DOCK1: variants seen among roughly 807,000 people sequenced by gnomAD.
DOCK1 encodes the protein dedicator of cytokinesis 1, also known as dedicator of cytokinesis protein 1.
Under a neutral mutation model 262.7 loss-of-function variants are expected in DOCK1, and 138 were observed. The ratio of observed to expected loss-of-function variants is 0.53; its 90% CI spans 0.46 to 0.61. The LOEUF is 0.61. DOCK1 is among the 20% of genes least tolerant of loss of function. The pLI, the probability that DOCK1 is intolerant of heterozygous loss-of-function variation, is 0.00. For missense variants in DOCK1, 1,908 were observed against 2,370.7 expected, an observed-to-expected ratio of 0.80 and a Z score of 4.05; for synonymous variants, 866 against 867.4, an observed-to-expected ratio of 1.00 and a Z score of 0.03.
At chr10:127,250,814 A>G (rs866680030) in intron 28 of DOCK1, among the ~76,000 whole-genome samples, 150 of 151,360 alleles carry the variant, frequency 9.9e-4, no homozygotes, top group Non-Finnish European at 1.7e-3. Flanking sequence ...AAAAAAAAAA[A>G]AAAAAAAATG....
chr10:127,000,404 T>C, intron 10 of DOCK1, 97 bp downstream of exon 10: 1 of 1,466,090 alleles, frequency 6.8e-7, no homozygotes, highest in Non-Finnish European at 9.1e-7. Context: ...TGCACAGCTG[T>C]GATTTATAAG....
chr10:127,336,974 T>C (rs1220980665), intron 29 of DOCK1, among the ~76,000 whole-genome samples: 1 of 152,148 alleles, frequency 6.6e-6, no homozygotes, highest in African/African-American at 2.4e-5. Flanking sequence ...ATAATAATAA[T>C]GTGTGTTTTA....
At chr10:127,155,920 A>G (rs2052999047) in intron 27 of DOCK1, among the ~76,000 whole-genome samples, 1 of 152,188 alleles carries the variant, frequency 6.6e-6, no homozygotes, top group Non-Finnish European at 1.5e-5. Context: ...CTTGGGTGGC[A>G]GATGAGGTAC....
At chr10:127,300,437 G>A (rs2061642452) in intron 29 of DOCK1, among the ~76,000 whole-genome samples, 2 of 152,114 alleles carry the variant, frequency 1.3e-5, no homozygotes, top group Non-Finnish European at 1.5e-5. Context: ...CTAGCATTGG[G>A]GACTGCAGAG....
chr10:127,374,772 T>G (rs533152076), intron 35 of DOCK1, among the ~76,000 whole-genome samples: 1 of 152,176 alleles, frequency 6.6e-6, no homozygotes, highest in African/African-American at 2.4e-5. Context: ...CTAGACCTTG[T>G]GAAGATGGAG....
intron 29 of DOCK1, among the ~76,000 whole-genome samples, chr10:127,293,184 G>T (rs916746645): frequency 2.0e-5 from 3 of 152,196 alleles, no homozygotes; most frequent in Admixed American, 2.0e-4. Flanking sequence ...CGTCAAGGAC[G>T]TTGAGCTCCT....
chr10:127,066,976 G>C (rs1376395823), intron 23 of DOCK1, among the ~76,000 whole-genome samples: 1 of 152,208 alleles, frequency 6.6e-6, no homozygotes, highest in East Asian at 1.9e-4. Context: ...GCTATCCCGT[G>C]GTGTTTGGAA....
At chr10:127,444,378 AGC>A in intron 50 of DOCK1, 99 bp downstream of exon 50, 3 of 1,390,034 alleles carry the variant, frequency 2.2e-6, no homozygotes, top group Non-Finnish European at 2.9e-6. Flanking sequence ...CTCCCCTTGC[AGC>A]AGAGGGTGGG....
intron 29 of DOCK1, among the ~76,000 whole-genome samples, chr10:127,299,524 G>C (rs1053585065): frequency 6.6e-6 from 1 of 150,662 alleles, no homozygotes; most frequent in African/African-American, 2.5e-5. Context: ...GCAAGTCAAG[G>C]AGATTGCCAG....
chr10:127,026,704 C>T (rs920364896), intron 16 of DOCK1, among the ~76,000 whole-genome samples: 2 of 152,176 alleles, frequency 1.3e-5, no homozygotes, highest in Non-Finnish European at 2.9e-5. Flanking sequence ...TCCATCCATG[C>T]CATCCATCAG....
intron 29 of DOCK1, among the ~76,000 whole-genome samples, chr10:127,271,455 T>C (rs1206915212): frequency 2.6e-5 from 4 of 152,230 alleles, no homozygotes; most frequent in African/African-American, 4.8e-5. Flanking sequence ...ACTTATGTAA[T>C]ACATCTTCAG....
At chr10:127,323,149 A>G (rs1274616196) in intron 29 of DOCK1, among the ~76,000 whole-genome samples, 1 of 152,154 alleles carries the variant, frequency 6.6e-6, no homozygotes. Context: ...GCTGGTGTTC[A>G]TCGCTTCCCT....
At position 126,980,807 on chromosome 10, in the gene DOCK1, A is replaced by G. The variant is rs370780557; in HGVS notation, c.172-1111A>G. ...GTGCCACTTTATCAATTTCTGCTGC[A>G]TGCACTAAATCTCATGCAGGAAGCG... On this transcript the variant is annotated intron_variant, in intron 3 of 51. Coordinates refer to ENST00000623213, the MANE Select transcript of DOCK1 (RefSeq NM_001290223.2). Among the ~76,000 whole-genome samples, 8 of 152,258 alleles carry G rather than the reference A, an allele frequency of 5.3e-5. No individual in the cohort carries two copies. The East Asian group carries it at 1.5e-3, about 29-fold the overall frequency.
chr10:127,248,227 T>C (rs1239973075), intron 28 of DOCK1, 118 bp downstream of exon 28: 23 of 939,624 alleles, frequency 2.4e-5, no homozygotes, highest in Admixed American at 7.3e-5. Flanking sequence ...TTGTCTCTGA[T>C]TGATTTCAAA....
chr10:126,992,451 G>A (rs1336348103), intron 6 of DOCK1, among the ~76,000 whole-genome samples: 1 of 152,080 alleles, frequency 6.6e-6, no homozygotes, highest in Non-Finnish European at 1.5e-5. Flanking sequence ...AAAGCCCAGC[G>A]CTCTGCATAT....
At chr10:126,907,679 T>A (rs1487303692) in intron 1 of DOCK1, among the ~76,000 whole-genome samples, 1 of 152,010 alleles carries the variant, frequency 6.6e-6, no homozygotes, top group African/African-American at 2.4e-5. Context: ...CTGGATGGTC[T>A]GGAGAAGACT....
intron 38 of DOCK1, among the ~76,000 whole-genome samples, chr10:127,401,555 G>A (rs1241215734): frequency 6.6e-6 from 1 of 151,994 alleles, no homozygotes; most frequent in Non-Finnish European, 1.5e-5. Flanking sequence ...CCCCTGGAAG[G>A]TTACCAGTTA....
intron 27 of DOCK1, among the ~76,000 whole-genome samples, chr10:127,216,434 G>T (rs2058216972): frequency 6.6e-6 from 1 of 152,132 alleles, no homozygotes; most frequent in Admixed American, 6.5e-5. Flanking sequence ...AGCTATTGCT[G>T]GGAAGACCAC....
chr10:127,366,732 C>T (rs2064938259), intron 33 of DOCK1, among the ~76,000 whole-genome samples: 1 of 152,214 alleles, frequency 6.6e-6, no homozygotes, highest in South Asian at 2.1e-4. Context: ...GGGTTGGCCC[C>T]ACCTGCTTCT....
Sources: gnomAD v4.1 joint callset for allele counts (sites outside exome capture counted in the v4.1 genomes callset) on GRCh38, gnomAD v4.1.1 for gene constraint, MANE v1.5 for transcripts, NCBI Gene and HGNC (gene_info 2026-07-23, HGNC 2026-07-21) for gene names.